Variants in PRKN observed in about 807,000 individuals in gnomAD.
PRKN encodes parkin RBR E3 ubiquitin protein ligase, also known as E3 ubiquitin-protein ligase parkin.
A neutral mutation model predicts 59.5 loss-of-function variants in PRKN; 56 were observed. That is an observed-to-expected ratio of 0.94 (90% CI 0.76 to 1.18). The LOEUF is 1.18. Ranked by LOEUF, PRKN falls within the 50% of genes most tolerant of loss-of-function variation. The pLI is 0.00. For missense variants in PRKN, 657 were observed against 596.4 expected, an observed-to-expected ratio of 1.10 and a Z score of -1.06; for synonymous variants, 250 against 222.1, an observed-to-expected ratio of 1.13 and a Z score of -1.12.
chr6:161,852,352 T>C (rs1339721383), intron 6 of PRKN, among the ~76,000 whole-genome samples: 1 of 151,890 alleles, frequency 6.6e-6, no homozygotes, highest in African/African-American at 2.4e-5. Flanking sequence ...ACTCGGGAGT[T>C]GGAGGCGGGA....
intron 6 of PRKN, among the ~76,000 whole-genome samples, chr6:161,854,560 C>T (rs1218447121): frequency 6.6e-6 from 1 of 152,076 alleles, no homozygotes; most frequent in Non-Finnish European, 1.5e-5. Flanking sequence ...GTAAGGTGTA[C>T]TTACCTACAT....
At chr6:162,104,821 T>C (rs77180464) in intron 4 of PRKN, among the ~76,000 whole-genome samples, 4,506 of 152,154 alleles carry the variant, frequency 0.03, 237 homozygotes, top group African/African-American at 0.1. Context: ...TTAAAGTAAA[T>C]GCAAAATTAA....
intron 7 of PRKN, among the ~76,000 whole-genome samples, chr6:161,652,204 T>C (rs1018448530): frequency 2.6e-5 from 4 of 152,198 alleles, no homozygotes; most frequent in South Asian, 2.1e-4. Context: ...CATGAGGAAA[T>C]GCTGTTTTGT....
chr6:161,481,486 C>T lies in PRKN; in HGVS notation c.1083+67368G>A, dbSNP rs187573665. Among the ~76,000 whole-genome samples, 57 of 152,168 alleles carry T rather than the reference C, an allele frequency of 3.7e-4. 2 individuals are homozygous for T. In the East Asian group the frequency reaches 0.01, roughly 28 times the overall value. ...GGGCATGGTGGCGTGTGCCTGTAGTCCCAGCTACTCCGGAGGCTGAGGCAG... is the reference window on the plus strand; with the variant it reads ...GGGCATGGTGGCGTGTGCCTGTAGTTCCAGCTACTCCGGAGGCTGAGGCAG... On this transcript the variant is annotated intron_variant, in intron 9 of 11. Transcript: ENST00000366898.
chr6:162,231,414 G>T (rs1019173517), intron 3 of PRKN, among the ~76,000 whole-genome samples: 3 of 152,080 alleles, frequency 2.0e-5, no homozygotes, highest in African/African-American at 7.2e-5. Context: ...TTTTTAAATG[G>T]GTAAGAAGTC....
At chr6:162,659,638 G>A (rs1778804720) in intron 1 of PRKN, among the ~76,000 whole-genome samples, 1 of 151,932 alleles carries the variant, frequency 6.6e-6, no homozygotes, top group African/African-American at 2.4e-5. Flanking sequence ...TGTACCATGA[G>A]TTATTAACCC....
At position 162,726,717 on chromosome 6, in the gene PRKN, A is replaced by C. The variant is rs184749607; in HGVS notation, c.7+945T>G. Reference sequence around the variant, plus strand: ...ATCTGACTTCGAACGTACTTACTGCAATCAAAAGTGTTTTGTAAAGGACCC... The same window carrying C: ...ATCTGACTTCGAACGTACTTACTGCCATCAAAAGTGTTTTGTAAAGGACCC... On this transcript the variant is annotated intron_variant, in intron 1 of 11. Transcript: ENST00000366898. 5.9e-5 allele frequency among the ~76,000 whole-genome samples: 9 copies of C among 152,364 alleles called. No homozygotes were observed. In the East Asian group the frequency reaches 1.7e-3, roughly 29 times the overall value.
rs372141916 is a variant in PRKN at position 161,360,179 on chromosome 6, G to A, written c.1194C>T (p.Ala398=). The A allele has an allele frequency of 3.0e-5, 48 of 1,614,150 alleles. No homozygotes were observed. The African/African-American group carries it at 4.3e-4, about 14-fold the overall frequency. ...AGGCTGCTTCCCAACGAGCCTGCTCGGCGGCTCTTTCATCGACTCTGTAGG... is the reference window on the plus strand; with the variant it reads ...AGGCTGCTTCCCAACGAGCCTGCTCAGCGGCTCTTTCATCGACTCTGTAGG... ...TQAYRVDERA[A]EQARWEAASK... The change falls in exon 11 of 12, where the codon GCC becomes GCT. Residue 398 remains alanine (A), a synonymous_variant. Transcript: ENST00000366898. The surrounding 1 kb of genome is among the most constrained non-coding windows in gnomAD (Gnocchi z 5.1).
intron 5 of PRKN, among the ~76,000 whole-genome samples, chr6:162,014,218 C>T (rs7741581): frequency 0.56 from 84,619 of 151,984 alleles, 23,697 homozygotes; most frequent in Admixed American, 0.62. Context: ...TAAAAACCCA[C>T]GTGTGACATT....
intron 6 of PRKN, among the ~76,000 whole-genome samples, chr6:161,955,062 C>T (rs1780120722): frequency 6.6e-6 from 1 of 152,170 alleles, no homozygotes; most frequent in Admixed American, 6.5e-5. Context: ...ATGGTTTAAG[C>T]AGTCTCGGAG....
intron 1 of PRKN, among the ~76,000 whole-genome samples, chr6:162,466,129 T>C (rs531816729): frequency 2.9e-4 from 44 of 152,340 alleles, no homozygotes; most frequent in African/African-American, 7.7e-4. Context: ...TCTGGATTGA[T>C]TGCAGAAACA....
chr6:161,714,237 C>T (rs546713788), intron 7 of PRKN, among the ~76,000 whole-genome samples: 4 of 152,270 alleles, frequency 2.6e-5, no homozygotes, highest in Non-Finnish European at 4.4e-5. Flanking sequence ...CCAGCCCTCA[C>T]CATAAGGCTT....
chr6:162,065,758 C>A (rs1778312514), intron 4 of PRKN, among the ~76,000 whole-genome samples: 1 of 152,094 alleles, frequency 6.6e-6, no homozygotes, highest in African/African-American at 2.4e-5. Context: ...ATGTGATGTT[C>A]CCTGCCCTGT....
At chr6:162,092,975 C>G (rs1030022101) in intron 4 of PRKN, among the ~76,000 whole-genome samples, 1 of 152,118 alleles carries the variant, frequency 6.6e-6, no homozygotes, top group East Asian at 1.9e-4. Flanking sequence ...CTCTCAGAGC[C>G]GAAGCTCCAT....
chr6:161,655,386 A>G (rs796519454), intron 7 of PRKN, among the ~76,000 whole-genome samples: 79 of 94,608 alleles, frequency 8.4e-4, no homozygotes, highest in Middle Eastern at 9.8e-3. Flanking sequence ...CCAGCAAGGT[A>G]CCCAGTTACA....
At chr6:161,625,861 T>C (rs555501378) in intron 7 of PRKN, among the ~76,000 whole-genome samples, 3 of 152,102 alleles carry the variant, frequency 2.0e-5, no homozygotes, top group Non-Finnish European at 4.4e-5. Context: ...AGTCACAAAA[T>C]TTCCTTACAA....
At chr6:161,860,228 A>G (rs1439013372) in intron 6 of PRKN, among the ~76,000 whole-genome samples, 1 of 152,152 alleles carries the variant, frequency 6.6e-6, no homozygotes. Flanking sequence ...TGCCTTTTTG[A>G]GTGTATTGAT....
At position 162,172,248 on chromosome 6, in the gene PRKN, G is replaced by A. The variant is rs115841975; in HGVS notation, c.534+28883C>T. 7.6e-3 allele frequency among the ~76,000 whole-genome samples: 1,159 copies of A among 152,268 alleles called. 16 individuals are homozygous for A. The highest frequency in any genetic ancestry group is 0.026 in the African/African-American group (1,096 of 41,556). On this transcript the variant is annotated intron_variant, in intron 4 of 11. Transcript: ENST00000366898. ...TGCCTGGGGCCCTGGCTAGCCAGTA[G>A]GCAGAAATGGACCCCAAGCTACCCA...
intron 7 of PRKN, among the ~76,000 whole-genome samples, chr6:161,734,189 T>C (rs1787871963): frequency 1.3e-5 from 2 of 152,152 alleles, no homozygotes; most frequent in Admixed American, 6.6e-5. Flanking sequence ...TTCCTGCAAA[T>C]TTTAAAGCAA....
Sources: gnomAD v4.1 joint callset for allele counts (sites outside exome capture counted in the v4.1 genomes callset) on GRCh38, gnomAD v4.1.1 for gene constraint, Gnocchi (gnomAD v3.1) non-coding constraint, MANE v1.5 for transcripts, NCBI Gene and HGNC (gene_info 2026-07-23, HGNC 2026-07-21) for gene names.